KCNIP1: variants seen among roughly 807,000 people sequenced by gnomAD.
KCNIP1 encodes potassium voltage-gated channel interacting protein 1.
KCNIP1 carries 18 observed loss-of-function variants against 33.0 expected under a neutral mutation model. The observed-to-expected ratio is 0.55, with a 90% CI of 0.38 to 0.81. The LOEUF is 0.81. Among genes scored for constraint, KCNIP1 ranks in the 30% least tolerant of loss-of-function variants. The probability of loss-of-function intolerance (pLI) is 0.00; values close to 1 mark genes in which losing one functional copy is unlikely to be tolerated. For synonymous variants in KCNIP1, 93 were observed against 98.3 expected (o/e 0.95, Z 0.32); for missense variants, 238 against 271.6 (o/e 0.88, Z 0.87).
intron 1 of KCNIP1, chr5:170,383,396 C>T (rs1270128648): frequency 1.7e-6 from 1 of 599,710 alleles, no homozygotes; most frequent in Non-Finnish European, 3.0e-6. Flanking sequence ...GATAACAGCT[C>T]TTCAAGGTGC....
intron 1 of KCNIP1, among the ~76,000 whole-genome samples, chr5:170,366,906 G>A (rs1258452758): frequency 6.6e-6 from 1 of 152,172 alleles, no homozygotes; most frequent in Non-Finnish European, 1.5e-5. Context: ...CTCACCTCTG[G>A]GGGAGACTCC....
chr5:170,705,818 A>G (rs1170047989), intron 1 of KCNIP1, among the ~76,000 whole-genome samples: 3 of 152,232 alleles, frequency 2.0e-5, no homozygotes, highest in Non-Finnish European at 4.4e-5. Flanking sequence ...GACAGTGTTT[A>G]ACAGATGTGA....
chr5:170,507,059 T>C (rs1422861477), intron 1 of KCNIP1, among the ~76,000 whole-genome samples: 1 of 152,226 alleles, frequency 6.6e-6, no homozygotes, highest in Non-Finnish European at 1.5e-5. Context: ...GAAACTTACA[T>C]TAGGCATTTC....
intron 1 of KCNIP1, among the ~76,000 whole-genome samples, chr5:170,588,841 C>T (rs1275074064): frequency 1.3e-5 from 2 of 152,086 alleles, no homozygotes; most frequent in African/African-American, 4.8e-5. Context: ...AGGACTTAGA[C>T]TGAGGCTCTT....
At chr5:170,719,590 G>A (rs1402145215) in intron 2 of KCNIP1, among the ~76,000 whole-genome samples, 1 of 152,124 alleles carries the variant, frequency 6.6e-6, no homozygotes, top group Non-Finnish European at 1.5e-5. Flanking sequence ...CATGCACCTG[G>A]TCACCCTCCC....
chr5:170,533,390 G>A (rs529727435), intron 1 of KCNIP1, among the ~76,000 whole-genome samples: 8 of 152,166 alleles, frequency 5.3e-5, no homozygotes, highest in Non-Finnish European at 1.0e-4. Flanking sequence ...CCTACGCTGC[G>A]GGTACTGTTT....
At chr5:170,486,289 C>A (rs1326589040) in intron 1 of KCNIP1, 2 of 152,216 alleles carry the variant, frequency 1.3e-5, no homozygotes, top group East Asian at 3.9e-4. Flanking sequence ...CATTCATTAG[C>A]AGGTCAGGGA....
intron 1 of KCNIP1, among the ~76,000 whole-genome samples, chr5:170,543,855 T>C (rs1022984877): frequency 3.9e-5 from 6 of 152,228 alleles, no homozygotes; most frequent in African/African-American, 1.4e-4. Flanking sequence ...ATTTGCACTT[T>C]TCCTCTTCAT....
intron 1 of KCNIP1, among the ~76,000 whole-genome samples, chr5:170,639,698 C>A (rs962176718): frequency 1.2e-4 from 18 of 152,218 alleles, no homozygotes; most frequent in Non-Finnish European, 8.8e-5. Context: ...CCTTCCTCTC[C>A]TCCTGTCTCC....
chr5:170,711,452 G>A, intron 1 of KCNIP1, among the ~76,000 whole-genome samples: 1 of 152,220 alleles, frequency 6.6e-6, no homozygotes. Context: ...TCAGGGTAGT[G>A]AAACTATTCT....
rs189591383 is a variant in KCNIP1 at position 170,715,312 on chromosome 5, A to C, written c.62-3446A>C. On this transcript the variant is annotated intron_variant, in intron 1 of 7. Transcript: ENST00000328939. ...GTTCACACGATGACAAAACTGCCTA[A>C]CAACACATTTCTCAGAGCGTATCCC... is the stretch of plus-strand genomic sequence containing the variant. Among the ~76,000 whole-genome samples, 101 of 152,344 alleles carry C rather than the reference A, an allele frequency of 6.6e-4. 1 individual carries two copies. The highest frequency in any genetic ancestry group is 6.8e-3 in the Middle Eastern group (2 of 294).
In KCNIP1 at chr5:170,393,612, C is replaced by T. The variant is rs182663382; in HGVS notation, c.88+39648C>T. 1.3e-4 allele frequency among the ~76,000 whole-genome samples: 20 copies of T among 152,234 alleles called. No individual in the cohort carries two copies. In the East Asian group the frequency reaches 3.7e-3, roughly 28 times the overall value. The stretch of plus-strand genomic sequence containing the variant: ...TTAAATGAGAGACAGTAATAAAAGG[C>T]AGAGGAAATAACGGTGGGAGGTTTT... On this transcript the variant is annotated intron_variant, in intron 1 of 7. Coordinates refer to the KCNIP1 transcript ENST00000377360.
intron 1 of KCNIP1, among the ~76,000 whole-genome samples, chr5:170,526,308 A>T (rs1236043627): frequency 6.6e-6 from 1 of 152,200 alleles, no homozygotes; most frequent in Non-Finnish European, 1.5e-5. Flanking sequence ...TATGTTGTCA[A>T]TATCAACTCT....
chr5:170,354,275 A>G (rs1221990847), intron 1 of KCNIP1, among the ~76,000 whole-genome samples: 3 of 152,182 alleles, frequency 2.0e-5, no homozygotes, highest in Non-Finnish European at 2.9e-5. Flanking sequence ...GCTTAGCGTG[A>G]CTGGAGTTTC....
At chr5:170,695,797 GA>G (rs1762869725) in intron 1 of KCNIP1, among the ~76,000 whole-genome samples, 1 of 152,144 alleles carries the variant, frequency 6.6e-6, no homozygotes, top group Non-Finnish European at 1.5e-5. Context: ...AAGGCGGGTG[GA>G]TCATGAGGTC....
intron 1 of KCNIP1, among the ~76,000 whole-genome samples, chr5:170,579,736 C>G (rs188608735): frequency 6.6e-6 from 1 of 152,318 alleles, no homozygotes; most frequent in African/African-American, 2.4e-5. Context: ...TTATCCCCAG[C>G]TCAGAGCTGG....
At position 170,504,820 on chromosome 5, in the gene KCNIP1, G is replaced by A. The variant is rs1400549494; in HGVS notation, c.61+187G>A. ...TGTGAACACCCAGAGGAGGGAGCCG[G>A]AGTGGACGTCTGCCCCAGCGGCAAC... On this transcript the variant is annotated intron_variant, in intron 1 of 7. Coordinates refer to ENST00000328939, the MANE Select transcript of KCNIP1 (RefSeq NM_014592.4). This position sits in a 1 kb window ranked among gnomAD's most constrained non-coding sequence, Gnocchi z 6.0. 6.6e-6 allele frequency among the ~76,000 whole-genome samples: 1 copy of A among 152,286 alleles called. No individual in the cohort carries two copies. Among genetic ancestry groups the A allele is most frequent in the Non-Finnish European group, 1.5e-5 (1 of 68,022 alleles).
chr5:170,641,643 T>C (rs1477394074), intron 1 of KCNIP1, among the ~76,000 whole-genome samples: 2 of 152,144 alleles, frequency 1.3e-5, no homozygotes, highest in African/African-American at 4.8e-5. Flanking sequence ...GGCCCTAGCC[T>C]TGGTTGGGGG....
intron 1 of KCNIP1, among the ~76,000 whole-genome samples, chr5:170,671,046 T>A (rs1581476710): frequency 6.6e-6 from 1 of 152,140 alleles, no homozygotes; most frequent in African/African-American, 2.4e-5. Context: ...CTTGTCACTG[T>A]GTCTTCTGAG....
Sources: allele counts gnomAD v4.1 joint callset (sites outside exome capture counted in the v4.1 genomes callset), GRCh38; gene constraint gnomAD v4.1.1; non-coding constraint Gnocchi (gnomAD v3.1); transcripts MANE v1.5; gene names NCBI Gene and HGNC (gene_info 2026-07-23, HGNC 2026-07-21).